Variants in FBXO36 observed in about 807,000 individuals in gnomAD.
FBXO36 encodes F-box protein 36.
Under a neutral mutation model 17.0 loss-of-function variants are expected in FBXO36, and 18 were observed. That is an observed-to-expected ratio of 1.06 (90% confidence interval 0.73 to 1.57). The LOEUF is 1.57. Among genes scored for constraint, FBXO36 ranks in the 40% most tolerant of loss-of-function variants. FBXO36 has a pLI of 0.00. For synonymous variants in FBXO36, 83 were observed against 85.3 expected (o/e 0.97, Z 0.15); for missense variants, 229 against 221.9 (o/e 1.03, Z -0.20).
intron 1 of FBXO36, chr2:229,973,321 G>A (rs1005970278): frequency 9.9e-5 from 15 of 151,972 alleles, no homozygotes; most frequent in African/African-American, 2.4e-4. Flanking sequence ...TATTGTGTTC[G>A]CTTTGGCAGC....
At chr2:229,971,635 C>T (rs1004968790) in intron 1 of FBXO36, among the ~76,000 whole-genome samples, 3 of 152,172 alleles carry the variant, frequency 2.0e-5, no homozygotes, top group Middle Eastern at 6.8e-3. Context: ...CTGTGGCAAA[C>T]AGCATCTGCC....
At chr2:229,968,097 A>G (rs552574984) in intron 1 of FBXO36, among the ~76,000 whole-genome samples, 2 of 152,088 alleles carry the variant, frequency 1.3e-5, no homozygotes, top group South Asian at 2.1e-4. Flanking sequence ...CTTTTTTCAA[A>G]TGGCCACCCA....
intron 2 of FBXO36, among the ~76,000 whole-genome samples, chr2:229,995,583 TCTTTCTTTC>T (rs2077321563): frequency 9.6e-6 from 1 of 104,654 alleles, no homozygotes; most frequent in Non-Finnish European, 2.2e-5. Flanking sequence ...TCTTTCTTTC[TCTTTCTTTC>T]TTTCTTTTTT....
intron 1 of FBXO36, among the ~76,000 whole-genome samples, chr2:229,929,352 A>G (rs989173787): frequency 1.3e-5 from 2 of 151,340 alleles, no homozygotes; most frequent in Non-Finnish European, 2.9e-5. Context: ...TCACAAGGTC[A>G]GGAGATCAAG....
At chr2:229,977,672 A>C (rs2077216692) in intron 2 of FBXO36, among the ~76,000 whole-genome samples, 1 of 151,640 alleles carries the variant, frequency 6.6e-6, no homozygotes, top group Admixed American at 6.6e-5. Context: ...CTGGTCTCGA[A>C]CTCCTGACCT....
At chr2:229,940,021 A>G (rs960901364) in intron 1 of FBXO36, among the ~76,000 whole-genome samples, 1 of 151,988 alleles carries the variant, frequency 6.6e-6, no homozygotes, top group African/African-American at 2.4e-5. Context: ...TCCAGGGTAC[A>G]GTGTACCGGG....
chr2:229,970,994 C>T (rs569235694), intron 1 of FBXO36, among the ~76,000 whole-genome samples: 3 of 152,270 alleles, frequency 2.0e-5, no homozygotes, highest in Non-Finnish European at 2.9e-5. Context: ...CCAGCAATTG[C>T]ATCAACACAC....
chr2:229,931,282 T>C (rs2076937280), intron 1 of FBXO36, among the ~76,000 whole-genome samples: 1 of 152,118 alleles, frequency 6.6e-6, no homozygotes, highest in Non-Finnish European at 1.5e-5. Flanking sequence ...CCCAGGTAAA[T>C]TGTTCACTTG....
intron 1 of FBXO36, among the ~76,000 whole-genome samples, chr2:229,960,678 T>C (rs2077116064): frequency 6.6e-6 from 1 of 152,170 alleles, no homozygotes; most frequent in Non-Finnish European, 1.5e-5. Context: ...TACTTTTTAG[T>C]TTTTTGTAGA....
intron 3 of FBXO36, among the ~76,000 whole-genome samples, chr2:230,006,315 C>G (rs1357286706): frequency 1.3e-5 from 2 of 151,934 alleles, no homozygotes; most frequent in Admixed American, 6.6e-5. Context: ...AGGCTGGTCT[C>G]TAACTTCTTA....
Position 230,012,077 on chromosome 2 carries a change from AT to A in FBXO36, c.*1195del, listed in dbSNP as rs2077418636. The A allele has an allele frequency of 6.6e-6, 1 of 152,176 alleles. No individual in the cohort carries two copies. Among genetic ancestry groups the A allele is most frequent in the Non-Finnish European group, 1.5e-5 (1 of 68,032 alleles). The allele number at this position is 152,176 out of a possible 1,614,324, so 9.4% of individuals were successfully genotyped here. ...AAGTAGCTTTCTACTTCCACATCACATTATAATATAGCCTTATAATTTCTTC... is the reference window on the plus strand; with the variant it reads ...AAGTAGCTTTCTACTTCCACATCACATATAATATAGCCTTATAATTTCTTC... On this transcript the variant is annotated 3_prime_UTR_variant, in exon 4 of 4. Transcript: ENST00000283946.
At chr2:229,942,109 A>C (rs1009972459) in intron 1 of FBXO36, among the ~76,000 whole-genome samples, 3 of 152,198 alleles carry the variant, frequency 2.0e-5, no homozygotes, top group African/African-American at 7.2e-5. Flanking sequence ...CTTGAAGCTA[A>C]GTATTAACTA....
At chr2:229,960,665 TTTTACTTTTTAGTTTTTTG>T (rs1234812938) in intron 1 of FBXO36, among the ~76,000 whole-genome samples, 3 of 152,146 alleles carry the variant, frequency 2.0e-5, no homozygotes, top group African/African-American at 7.2e-5. Context: ...TAATTTTTAT[TTTTACTTTTTAGTTTTTTG>T]TAGAGATGGG....
At chr2:229,959,029 CA>C (rs1005255120) in intron 1 of FBXO36, among the ~76,000 whole-genome samples, 3 of 152,166 alleles carry the variant, frequency 2.0e-5, no homozygotes, top group African/African-American at 7.2e-5. Flanking sequence ...TGGATGCTCT[CA>C]AAGTCTCCTT....
At chr2:229,959,814 C>T (rs1037781722) in intron 1 of FBXO36, among the ~76,000 whole-genome samples, 1 of 151,800 alleles carries the variant, frequency 6.6e-6, no homozygotes, top group Non-Finnish European at 1.5e-5. Context: ...CCACTGCACT[C>T]CAGCCTAGGC....
At chr2:229,924,658 TC>T (rs1345084274) in intron 1 of FBXO36, among the ~76,000 whole-genome samples, 2 of 152,232 alleles carry the variant, frequency 1.3e-5, no homozygotes, top group Non-Finnish European at 2.9e-5. Flanking sequence ...TAGTAAATTA[TC>T]CTTAGGAGTG....
chr2:230,005,998 T>C (rs1161542568), intron 3 of FBXO36, among the ~76,000 whole-genome samples: 1 of 152,126 alleles, frequency 6.6e-6, no homozygotes, highest in Non-Finnish European at 1.5e-5. Context: ...ACCTACTGTA[T>C]GTCTAGCATT....
intron 2 of FBXO36, among the ~76,000 whole-genome samples, chr2:229,993,317 C>CT (rs1334033710): frequency 1.7e-4 from 26 of 152,292 alleles, no homozygotes; most frequent in African/African-American, 6.3e-4. Flanking sequence ...TTTATTGTCT[C>CT]TAAGGGCAGC....
At chr2:229,943,653 C>G (rs2077011750) in intron 1 of FBXO36, among the ~76,000 whole-genome samples, 1 of 152,142 alleles carries the variant, frequency 6.6e-6, no homozygotes, top group Non-Finnish European at 1.5e-5. Flanking sequence ...CGTGGGCAAC[C>G]TTGCTGGAAG....
Sources: gnomAD v4.1 joint callset for allele counts (sites outside exome capture counted in the v4.1 genomes callset) on GRCh38, gnomAD v4.1.1 for gene constraint, MANE v1.5 for transcripts, NCBI Gene and HGNC (gene_info 2026-07-23, HGNC 2026-07-21) for gene names.